Variants in RUNX1 observed in about 807,000 individuals in gnomAD.
RUNX1 encodes RUNX family transcription factor 1, also known as runt-related transcription factor 1.
RUNX1 carries 19 observed loss-of-function variants against 42.8 expected under a neutral mutation model. The ratio of observed to expected loss-of-function variants is 0.44; its 90% CI spans 0.31 to 0.65. The LOEUF is 0.65. RUNX1 is among the 30% of genes least tolerant of loss of function. The probability of loss-of-function intolerance (pLI) is 0.07; values close to 1 mark genes in which losing one functional copy is unlikely to be tolerated. For synonymous variants in RUNX1, 271 were observed against 289.4 expected (o/e 0.94, Z 0.64); for missense variants, 528 against 672.0 (o/e 0.79, Z 2.37).
At chr21:34,868,143 G>T (rs539042106) in intron 5 of RUNX1, among the ~76,000 whole-genome samples, 2 of 152,226 alleles carry the variant, frequency 1.3e-5, no homozygotes, top group Non-Finnish European at 2.9e-5. Context: ...GAGGTAGAGA[G>T]GGAAGAGAGG....
At chr21:34,967,854 C>T (rs921753461) in intron 2 of RUNX1, among the ~76,000 whole-genome samples, 14 of 152,188 alleles carry the variant, frequency 9.2e-5, no homozygotes, top group African/African-American at 3.4e-4. Flanking sequence ...TTCATATAAT[C>T]ACCAATTGCT....
At chr21:34,846,154 G>A (rs916866678) in intron 6 of RUNX1, among the ~76,000 whole-genome samples, 3 of 150,478 alleles carry the variant, frequency 2.0e-5, no homozygotes, top group African/African-American at 7.3e-5. Flanking sequence ...TGGCCATAAT[G>A]GGGCTTGGAC....
At chr21:34,922,284 G>A (rs112306923) in intron 2 of RUNX1, among the ~76,000 whole-genome samples, 2,933 of 152,214 alleles carry the variant, frequency 0.019, 94 homozygotes, top group African/African-American at 0.067. Flanking sequence ...GTTTGGTAGC[G>A]GTGGAGAGAC....
rs1262198638 is a variant in RUNX1, at chr21:35,047,549, A to ACTCTCTCTCT, written c.58+1292_58+1293insAGAGAGAGAG. 1.5e-3 allele frequency among the ~76,000 whole-genome samples: 159 copies of ACTCTCTCTCT among 107,562 alleles called. 4 individuals carry two copies. The highest frequency in any genetic ancestry group is 9.0e-3 in the East Asian group (31 of 3,446). 70.6% of individuals were successfully genotyped at this position (107,562 alleles called of 152,430 possible). ...CACACACACACACACACACACACAC[A>ACTCTCTCTCT]CACACACACACACTCTCTCTCTCTC... On this transcript the variant is annotated intron_variant, in intron 2 of 8. Transcript: ENST00000675419.
At chr21:34,876,211 C>T (rs1295056530) in intron 5 of RUNX1, among the ~76,000 whole-genome samples, 3 of 152,176 alleles carry the variant, frequency 2.0e-5, no homozygotes, top group African/African-American at 4.8e-5. Flanking sequence ...CTCCCCTTTA[C>T]CCGTGATGAT....
At chr21:34,915,841 G>C (rs924479967) in intron 2 of RUNX1, among the ~76,000 whole-genome samples, 3 of 152,138 alleles carry the variant, frequency 2.0e-5, no homozygotes, top group Non-Finnish European at 2.9e-5. Flanking sequence ...TATGAAAAAA[G>C]TATTCTCTGG....
chr21:34,999,444 G>A (rs1205300852), intron 2 of RUNX1, among the ~76,000 whole-genome samples: 1 of 152,222 alleles, frequency 6.6e-6, no homozygotes, highest in Non-Finnish European at 1.5e-5. Context: ...GTTAGGGGCT[G>A]ACCTGGGAGA....
intron 2 of RUNX1, among the ~76,000 whole-genome samples, chr21:35,031,873 G>A (rs554387144): frequency 6.6e-6 from 1 of 152,298 alleles, no homozygotes; most frequent in African/African-American, 2.4e-5. Flanking sequence ...TCTGTCTATG[G>A]AAATATTTTT....
intron 2 of RUNX1, among the ~76,000 whole-genome samples, chr21:34,996,228 G>C (rs1288016004): frequency 1.3e-5 from 2 of 152,094 alleles, no homozygotes; most frequent in African/African-American, 2.4e-5. Context: ...AACCAGGCTT[G>C]AGTTTTGTAT....
chr21:34,887,262 T>TC, intron 3 of RUNX1, 166 bp from the exon 4 acceptor site: 1 of 818,022 alleles, frequency 1.2e-6, no homozygotes, highest in Non-Finnish European at 1.4e-6. Context: ...CGGGGGTGGT[T>TC]AGGGGAGGAG....
chr21:34,866,764 T>C (rs2057668901), intron 5 of RUNX1, among the ~76,000 whole-genome samples: 1 of 152,216 alleles, frequency 6.6e-6, no homozygotes, highest in Non-Finnish European at 1.5e-5. Context: ...GTACTGTATA[T>C]ACTTGTGTGC....
intron 2 of RUNX1, among the ~76,000 whole-genome samples, chr21:34,949,588 C>A (rs2058591426): frequency 6.6e-6 from 1 of 152,186 alleles, no homozygotes; most frequent in African/African-American, 2.4e-5. Flanking sequence ...ACTACATTGG[C>A]CTCCCCTAGG....
intron 2 of RUNX1, among the ~76,000 whole-genome samples, chr21:34,957,508 T>C (rs2058652917): frequency 1.3e-5 from 2 of 152,174 alleles, no homozygotes; most frequent in Non-Finnish European, 2.9e-5. Flanking sequence ...AAGGGGTGCC[T>C]GTGTACCTCT....
Position 34,989,297 on chromosome 21 carries a change from C to T in RUNX1, c.58+59545G>A, listed in dbSNP as rs541490763. 2.6e-5 allele frequency among the ~76,000 whole-genome samples: 4 copies of T among 152,138 alleles called. No individual in the cohort carries two copies. The East Asian group carries it at 5.8e-4, about 22-fold the overall frequency. ...GTGCTGGGATTACAAGTGTGAGCCA[C>T]GGCGCCCGGCCCCAGATCTCTTTAT... is the stretch of plus-strand genomic sequence containing the variant. On this transcript the variant is annotated intron_variant, in intron 2 of 8. Coordinates refer to ENST00000675419, the MANE Select transcript of RUNX1 (RefSeq NM_001754.5).
At chr21:34,838,734 C>T (rs1203245642) in intron 6 of RUNX1, among the ~76,000 whole-genome samples, 1 of 152,020 alleles carries the variant, frequency 6.6e-6, no homozygotes, top group Non-Finnish European at 1.5e-5. Context: ...CACAGTCTAA[C>T]CTTTAGGTTG....
intron 6 of RUNX1, among the ~76,000 whole-genome samples, chr21:34,851,530 A>T (rs2057418515): frequency 6.6e-6 from 1 of 152,236 alleles, no homozygotes; most frequent in Non-Finnish European, 1.5e-5. Flanking sequence ...TAAATTCAGG[A>T]TCCAGAAAAC....
In RUNX1 at chr21:34,990,716, C is replaced by T. The variant is rs1311167741; in HGVS notation, c.58+58126G>A. Among the ~76,000 whole-genome samples, 8 of 151,952 alleles carry T rather than the reference C, an allele frequency of 5.3e-5. No homozygotes were observed. In the East Asian group the frequency reaches 1.6e-3, roughly 29 times the overall value. On this transcript the variant is annotated intron_variant, in intron 2 of 8. Transcript: ENST00000675419. ...AAGTGATTCTCCTGCCTCAGCCTCCCGAGTAGCTGGGATTACAGGCACCCA... is the reference window on the plus strand; with the variant it reads ...AAGTGATTCTCCTGCCTCAGCCTCCTGAGTAGCTGGGATTACAGGCACCCA...
At position 35,014,219 on chromosome 21, in the gene RUNX1, AT is replaced by A. The variant is rs573036867; in HGVS notation, c.58+34622del. On this transcript the variant is annotated intron_variant, in intron 2 of 8. Coordinates refer to ENST00000675419, the MANE Select transcript of RUNX1 (RefSeq NM_001754.5). Reference sequence around the variant, plus strand: ...AATCAGCTGTACTTTAATTAATTGGATTTTTTAAGGAAATGGACAATTTCAG... The same window carrying A: ...AATCAGCTGTACTTTAATTAATTGGATTTTTAAGGAAATGGACAATTTCAG... Among the ~76,000 whole-genome samples the A allele has an allele frequency of 8.9e-4, 135 of 152,286 alleles. 1 individual carries two copies. The highest frequency in any genetic ancestry group is 2.8e-3 in the Admixed American group (43 of 15,300).
chr21:34,982,397 G>GGTGTGTGTGTGTGTGTGTGT (rs56091299), intron 2 of RUNX1, among the ~76,000 whole-genome samples: 42 of 148,322 alleles, frequency 2.8e-4, no homozygotes, highest in African/African-American at 8.5e-4. Flanking sequence ...AGTCAAAAGG[G>GGTGTGTGTGTGTGTGTGTGT]GTGTGTGTGT....
Sources: allele counts gnomAD v4.1 joint callset (sites outside exome capture counted in the v4.1 genomes callset), GRCh38; gene constraint gnomAD v4.1.1; transcripts MANE v1.5; gene names NCBI Gene and HGNC (gene_info 2026-07-23, HGNC 2026-07-21).